The following GLIS3 variants were observed in gnomAD, a reference collection of about 807,000 sequenced individuals.
The protein encoded by GLIS3 is GLIS family zinc finger 3, also known as zinc finger protein GLIS3.
A neutral mutation model predicts 78.6 loss-of-function variants in GLIS3; 53 were observed. The observed-to-expected ratio is 0.67, with a 90% confidence interval of 0.54 to 0.85. The LOEUF (loss-of-function observed/expected upper bound fraction) is 0.85. Among genes scored for constraint, GLIS3 ranks in the 40% least tolerant of loss-of-function variants. The pLI, the probability that GLIS3 is intolerant of heterozygous loss-of-function variation, is 0.00. For synonymous variants in GLIS3, 684 were observed against 509.9 expected (o/e 1.34, Z -4.60); for missense variants, 1,703 against 1,231.1 (o/e 1.38, Z -5.74).
At chr9:3,980,244 A>G (rs994683461) in intron 4 of GLIS3, among the ~76,000 whole-genome samples, 2 of 152,246 alleles carry the variant, frequency 1.3e-5, no homozygotes, top group African/African-American at 4.8e-5. Flanking sequence ...TAGGCACTAT[A>G]TAACGTGACT....
chr9:4,113,540 T>C (rs1831395585), intron 4 of GLIS3, among the ~76,000 whole-genome samples: 1 of 152,176 alleles, frequency 6.6e-6, no homozygotes. Context: ...GATTATGAAG[T>C]GGGGATTAAG....
At chr9:3,989,629 G>A (rs188691360) in intron 4 of GLIS3, among the ~76,000 whole-genome samples, 3 of 152,100 alleles carry the variant, frequency 2.0e-5, no homozygotes, top group Admixed American at 6.5e-5. Context: ...CCACTCCGAA[G>A]AAGTTACATA....
chr9:3,975,483 A>G (rs547311848), intron 4 of GLIS3, among the ~76,000 whole-genome samples: 3 of 152,266 alleles, frequency 2.0e-5, no homozygotes, highest in Admixed American at 2.0e-4. Flanking sequence ...ACTTTTTGGA[A>G]TACAAACCTC....
intron 2 of GLIS3, among the ~76,000 whole-genome samples, chr9:4,279,279 C>G (rs982524866): frequency 1.8e-5 from 2 of 113,030 alleles, no homozygotes; most frequent in Non-Finnish European, 3.4e-5. Flanking sequence ...GCCTGGGCAA[C>G]AGAGCAAGAC....
chr9:4,286,658 G>T (rs1057429814), intron 1 of GLIS3, 135 bp from the exon 2 acceptor site: 2 of 582,716 alleles, frequency 3.4e-6, no homozygotes, highest in Non-Finnish European at 6.1e-6. Context: ...TGTAGAAAAG[G>T]GTCCTCAAAT....
At chr9:4,219,176 G>C (rs185599284) in intron 2 of GLIS3, among the ~76,000 whole-genome samples, 2 of 152,342 alleles carry the variant, frequency 1.3e-5, no homozygotes, top group East Asian at 3.9e-4. Flanking sequence ...CCAGTAGGTT[G>C]TCCTGAGACA....
chr9:4,251,953 A>G (rs1307051901), intron 2 of GLIS3, among the ~76,000 whole-genome samples: 1 of 152,176 alleles, frequency 6.6e-6, no homozygotes, highest in East Asian at 1.9e-4. Flanking sequence ...TCTGGCTTGT[A>G]GGGTTTGTGC....
intron 2 of GLIS3, among the ~76,000 whole-genome samples, chr9:4,216,751 T>C (rs1570204): frequency 0.25 from 37,857 of 152,078 alleles, 5,428 homozygotes; most frequent in Non-Finnish European, 0.33. Context: ...AAGACTTTAC[T>C]AGTAAACTTA....
chr9:4,469,359 A>T, the GLIS3 span, among the ~76,000 whole-genome samples: 1 of 152,180 alleles, frequency 6.6e-6, no homozygotes, highest in African/African-American at 2.4e-5. Flanking sequence ...CACAATACCT[A>T]TTCCAAAACT....
the GLIS3 span, among the ~76,000 whole-genome samples, chr9:4,466,114 G>A: frequency 2.0e-5 from 3 of 152,124 alleles, no homozygotes; most frequent in Non-Finnish European, 4.4e-5. Flanking sequence ...TACCAAAAGT[G>A]AAAGAAAAGG....
chr9:3,905,404 G>A (rs998926863), intron 6 of GLIS3, among the ~76,000 whole-genome samples: 5 of 152,074 alleles, frequency 3.3e-5, no homozygotes, highest in Non-Finnish European at 7.4e-5. Context: ...TCACCACTGT[G>A]TATATTCTGA....
At chr9:4,455,552 C>T in the GLIS3 span, among the ~76,000 whole-genome samples, 4,679 of 152,200 alleles carry the variant, frequency 0.031, 240 homozygotes, top group African/African-American at 0.1. Flanking sequence ...TTTGTTTGAG[C>T]GGATGAACTT....
At chr9:4,282,535 G>A (rs758672326) in intron 2 of GLIS3, among the ~76,000 whole-genome samples, 1 of 152,060 alleles carries the variant, frequency 6.6e-6, no homozygotes, top group Non-Finnish European at 1.5e-5. Context: ...ACTTCAAACT[G>A]AAACATCAGC....
chr9:4,421,473 CA>C, the GLIS3 span, among the ~76,000 whole-genome samples: 13 of 152,234 alleles, frequency 8.5e-5, no homozygotes. Flanking sequence ...CATACCTGAT[CA>C]ATTACAGGTG....
intron 2 of GLIS3, among the ~76,000 whole-genome samples, chr9:4,144,262 G>C (rs1385733253): frequency 1.3e-5 from 2 of 152,202 alleles, no homozygotes; most frequent in African/African-American, 2.4e-5. Context: ...GGATAATTCA[G>C]CTCAACCGAC....
chr9:4,195,567 G>C (rs1818751301), intron 2 of GLIS3, among the ~76,000 whole-genome samples: 1 of 152,242 alleles, frequency 6.6e-6, no homozygotes, highest in Non-Finnish European at 1.5e-5. Context: ...AGCCCGCCAT[G>C]CCCGAGCTCC....
the GLIS3 span, among the ~76,000 whole-genome samples, chr9:4,365,471 G>T: frequency 7.1e-3 from 1,085 of 152,038 alleles, 17 homozygotes; most frequent in African/African-American, 0.024. Flanking sequence ...CAGGAGAATC[G>T]CTTGAACCTG....
At chr9:4,064,401 A>C (rs964038991) in intron 4 of GLIS3, among the ~76,000 whole-genome samples, 1 of 152,264 alleles carries the variant, frequency 6.6e-6, no homozygotes, top group Non-Finnish European at 1.5e-5. Context: ...TAAAGCTTTT[A>C]TACAACAAAG....
intron 3 of GLIS3, among the ~76,000 whole-genome samples, chr9:4,120,989 G>T (rs1343525437): frequency 6.6e-6 from 1 of 152,150 alleles, no homozygotes; most frequent in Non-Finnish European, 1.5e-5. Flanking sequence ...TGCACATAAA[G>T]CCATGCAGGC....
Sources: allele counts gnomAD v4.1 joint callset (sites outside exome capture counted in the v4.1 genomes callset), GRCh38; gene constraint gnomAD v4.1.1; transcripts MANE v1.5; gene names NCBI Gene and HGNC (gene_info 2026-07-23, HGNC 2026-07-21).